RBM33: variants seen among roughly 807,000 people sequenced by gnomAD.
The protein encoded by RBM33 is RNA binding motif protein 33, also known as RNA-binding protein 33.
A neutral mutation model predicts 132.6 loss-of-function variants in RBM33; 28 were observed. The ratio of observed to expected loss-of-function variants is 0.21; its 90% CI spans 0.16 to 0.29. The LOEUF is 0.29. Ranked by LOEUF, RBM33 falls within the 10% of genes least tolerant of loss-of-function variation. The pLI is 1.00. For synonymous variants in RBM33, 634 were observed against 593.0 expected (o/e 1.07, Z -1.01); for missense variants, 1,291 against 1,518.5 (o/e 0.85, Z 2.49).
intron 6 of RBM33, among the ~76,000 whole-genome samples, chr7:155,704,504 C>T (rs909780925): frequency 6.6e-6 from 1 of 152,158 alleles, no homozygotes; most frequent in Non-Finnish European, 1.5e-5. Flanking sequence ...AAATGCCAGT[C>T]GCCATTTCTG....
At position 155,763,921 on chromosome 7, in the gene RBM33, G is replaced by C. The variant is rs746080703; in HGVS notation, c.3089G>C (p.Gly1030Ala). The change falls in exon 15 of 18, where the codon GGC (glycine) becomes GCC (alanine). Residue 1030 changes from glycine (G) to alanine (A), a missense_variant. Around this residue, in one of 7 missense-constraint regions of RBM33, gnomAD observed 841 missense variants for 912.0 expected, o/e 0.92. Transcript: ENST00000401878. ...PARKVTLTRGGLQQPPHLPAG... is the reference protein window; with the variant it reads ...PARKVTLTRGALQQPPHLPAG... ...CGCAAGGTGACGCTGACCAGGGGGG[G>C]CCTCCAGCAGCCCCCACATCTGCCA... 1 of 1,605,012 alleles carries C rather than the reference G, an allele frequency of 6.2e-7. No homozygotes were observed. Among genetic ancestry groups the C allele is most frequent in the Admixed American group, 1.7e-5 (1 of 58,744 alleles).
intron 1 of RBM33, among the ~76,000 whole-genome samples, chr7:155,654,520 C>T (rs1320475489): frequency 6.6e-6 from 1 of 152,294 alleles, no homozygotes; most frequent in East Asian, 1.9e-4. Flanking sequence ...GACTACTTCT[C>T]TCTATGAGTG....
chr7:155,728,857 A>G (rs1800870910), intron 9 of RBM33, among the ~76,000 whole-genome samples: 1 of 152,202 alleles, frequency 6.6e-6, no homozygotes, highest in Non-Finnish European at 1.5e-5. Context: ...AAGTTCTGCC[A>G]CTTTCTAACC....
chr7:155,662,435 T>C (rs1244542698), intron 1 of RBM33, among the ~76,000 whole-genome samples: 1 of 152,082 alleles, frequency 6.6e-6, no homozygotes, highest in East Asian at 1.9e-4. Flanking sequence ...CCCTCACTGT[T>C]TTTGGGAGCA....
chr7:155,751,559 G>A (rs11772296), intron 14 of RBM33, among the ~76,000 whole-genome samples: 4,084 of 152,288 alleles, frequency 0.027, 71 homozygotes, highest in Middle Eastern at 0.037. Flanking sequence ...TTTTGAAAGA[G>A]CAGAGGGAAT....
At chr7:155,721,177 T>A (rs1374951810) in intron 9 of RBM33, among the ~76,000 whole-genome samples, 1 of 152,170 alleles carries the variant, frequency 6.6e-6, no homozygotes, top group Non-Finnish European at 1.5e-5. Flanking sequence ...TCAGTCATAG[T>A]TGTGTGTTTA....
chr7:155,701,894 T>A (rs558132220), intron 6 of RBM33, among the ~76,000 whole-genome samples: 26 of 152,202 alleles, frequency 1.7e-4, no homozygotes, highest in African/African-American at 6.0e-4. Flanking sequence ...CACCATATTG[T>A]CCAGGCTGGT....
chr7:155,645,780 C>A (rs1252937952), intron 1 of RBM33, among the ~76,000 whole-genome samples: 2 of 152,096 alleles, frequency 1.3e-5, no homozygotes, highest in African/African-American at 4.8e-5. Flanking sequence ...TTAGTTCTTA[C>A]CATTGAAACG....
chr7:155,650,320 C>T (rs548769460), intron 1 of RBM33, among the ~76,000 whole-genome samples: 1 of 152,268 alleles, frequency 6.6e-6, no homozygotes, highest in Middle Eastern at 3.4e-3. Context: ...GACTGCCATC[C>T]CCAGTGCTGC....
At chr7:155,701,011 A>C (rs746310963) in intron 6 of RBM33, 67 bp downstream of exon 6, 1 of 1,369,300 alleles carries the variant, frequency 7.3e-7, no homozygotes, top group African/African-American at 1.4e-5. Flanking sequence ...GTATTGCTGT[A>C]ATTAATCAAA....
rs76325554 is a variant in RBM33 at position 155,760,765 on chromosome 7, A to G, written c.2980-3047A>G. Among the ~76,000 whole-genome samples the G allele has an allele frequency of 5.3e-5, 8 of 152,300 alleles. No homozygotes were observed. In the East Asian group the frequency reaches 1.4e-3, roughly 26 times the overall value. On this transcript the variant is annotated intron_variant, in intron 14 of 17. Coordinates refer to ENST00000401878, the MANE Select transcript of RBM33 (RefSeq NM_053043.3). ...TAGTTTTTTAAGATACAGACTGAAA[A>G]ATTGTGTACTCAGTATAGGCCCTCC...
At position 155,727,859 on chromosome 7, in the gene RBM33, G is replaced by A. The variant is rs558902200; in HGVS notation, c.1260+9416G>A. Among the ~76,000 whole-genome samples the A allele has an allele frequency of 1.4e-3, 217 of 152,298 alleles. 4 individuals are homozygous for A. The highest frequency in any genetic ancestry group is 5.0e-3 in the African/African-American group (206 of 41,570). ...CAGCTCGCTGCAGGCCCGGCTTCCC[G>A]GGCTCAGGTGATCCTCTCACCGCAG... On this transcript the variant is annotated intron_variant, in intron 9 of 17. Transcript: ENST00000401878.
At chr7:155,645,773 G>T (rs569545927) in intron 1 of RBM33, among the ~76,000 whole-genome samples, 2 of 152,324 alleles carry the variant, frequency 1.3e-5, no homozygotes, top group South Asian at 4.1e-4. Flanking sequence ...TTTGGGATTA[G>T]TTCTTACCAT....
chr7:155,781,329 T>C lies in RBM33; in HGVS notation c.*6288T>C, dbSNP rs747946759. ...TTCGCGTTAACTGCTGTGGTAACTT[T>C]TTCAGGATCTGTGTGAAGAATGGTA... On this transcript the variant is annotated 3_prime_UTR_variant, in exon 18 of 18. Transcript: ENST00000401878. 3 of 152,278 alleles carry C rather than the reference T, an allele frequency of 2.0e-5. No homozygotes were observed. Among genetic ancestry groups the C allele is most frequent in the Non-Finnish European group, 2.9e-5 (2 of 68,048 alleles). 9.4% of individuals were successfully genotyped at this position (152,278 alleles called of 1,614,324 possible).
chr7:155,700,545 C>CTT (rs1563150189), intron 5 of RBM33, among the ~76,000 whole-genome samples: 1 of 82,802 alleles, frequency 1.2e-5, no homozygotes, highest in Non-Finnish European at 2.4e-5. Flanking sequence ...AAGAATTTGA[C>CTT]CTTTTTTTTT....
At chr7:155,717,171 G>A (rs911108439) in intron 8 of RBM33, among the ~76,000 whole-genome samples, 2 of 152,142 alleles carry the variant, frequency 1.3e-5, no homozygotes, top group Non-Finnish European at 2.9e-5. Flanking sequence ...TGATGTGTAC[G>A]AGTTTGCTGG....
chr7:155,738,774 T>C (rs1446542919), intron 11 of RBM33: 1 of 207,398 alleles, frequency 4.8e-6, no homozygotes, highest in Non-Finnish European at 9.8e-6. Flanking sequence ...GTAGACAGTT[T>C]TGAAAAGAGT....
chr7:155,697,285 C>T (rs1457748631), intron 5 of RBM33, among the ~76,000 whole-genome samples: 2 of 152,094 alleles, frequency 1.3e-5, no homozygotes, highest in African/African-American at 2.4e-5. Flanking sequence ...GGATAAACCC[C>T]ACTTGGTTGT....
chr7:155,688,911 A>G (rs934889477), intron 5 of RBM33, among the ~76,000 whole-genome samples: 6 of 152,226 alleles, frequency 3.9e-5, no homozygotes, highest in Non-Finnish European at 8.8e-5. Flanking sequence ...ATCAATGTTC[A>G]TCAGGGATAT....
Sources: allele counts gnomAD v4.1 joint callset (sites outside exome capture counted in the v4.1 genomes callset), GRCh38; gene constraint gnomAD v4.1.1; regional missense constraint gnomAD v4.1.1; transcripts MANE v1.5; gene names NCBI Gene and HGNC (gene_info 2026-07-23, HGNC 2026-07-21).